The following ZFAT variants were observed in gnomAD, a reference collection of about 807,000 sequenced individuals.
ZFAT encodes the protein zinc finger protein ZFAT.
ZFAT carries 64 observed loss-of-function variants against 117.7 expected under a neutral mutation model. The observed-to-expected ratio is 0.54, with a 90% CI of 0.44 to 0.67. The LOEUF is 0.67. ZFAT is among the 30% of genes least tolerant of loss of function. The probability of loss-of-function intolerance (pLI) is 0.00; values close to 1 mark genes in which losing one functional copy is unlikely to be tolerated. For missense variants in ZFAT, 1,433 were observed against 1,584.5 expected, an observed-to-expected ratio of 0.90 and a Z score of 1.62; for synonymous variants, 679 against 615.0, an observed-to-expected ratio of 1.10 and a Z score of -1.54.
At chr8:134,637,788 G>T in intron 2 of ZFAT, 76 bp from the exon 3 acceptor site, 1 of 1,539,402 alleles carries the variant, frequency 6.5e-7, no homozygotes, top group Non-Finnish European at 8.8e-7. Context: ...CTCCAAGTGT[G>T]AGGATATGTT....
rs369988594 is a variant in ZFAT, at chr8:134,602,774, A to G, written c.945T>C (p.Asn315=). Residue 315 remains asparagine, a synonymous_variant, in exon 6 of 16, where the codon AAT becomes AAC. Coordinates refer to ENST00000377838, the MANE Select transcript of ZFAT (RefSeq NM_020863.4). ...SYASAIKANL[N]VHLRKHTGEK... is the part of the protein sequence containing the mutation. ...CTCCAGTGTGCTTGCGCAGGTGCAC[A>G]TTGAGGTTGGCCTTGATGGCACTGG... 9.2e-5 allele frequency: 149 copies of G among 1,614,186 alleles called. 1 individual carries two copies. The African/African-American group carries it at 1.8e-3, about 20-fold the overall frequency.
chr8:134,706,657 C>G, intron 1 of ZFAT, among the ~76,000 whole-genome samples: 1 of 151,968 alleles, frequency 6.6e-6, no homozygotes, highest in East Asian at 1.9e-4. Context: ...GTGCCATTGC[C>G]CTCCATCCTG....
intron 1 of ZFAT, among the ~76,000 whole-genome samples, chr8:134,690,696 C>CA (rs1354584761): frequency 6.6e-6 from 1 of 152,222 alleles, no homozygotes; most frequent in Non-Finnish European, 1.5e-5. Context: ...ACCATCCCCT[C>CA]AACCCATCCC....
At chr8:134,747,503 T>C in the ZFAT span, among the ~76,000 whole-genome samples, 1 of 152,240 alleles carries the variant, frequency 6.6e-6, no homozygotes, top group African/African-American at 2.4e-5. Flanking sequence ...TTAAAAAGCA[T>C]TTAACACTAT....
At chr8:134,671,969 CAGAG>C (rs1164243903) in intron 1 of ZFAT, among the ~76,000 whole-genome samples, 2 of 152,178 alleles carry the variant, frequency 1.3e-5, no homozygotes, top group African/African-American at 2.4e-5. Flanking sequence ...AACGGACAAA[CAGAG>C]AGCCAAATCA....
At chr8:134,789,023 TAATTC>T in the ZFAT span, among the ~76,000 whole-genome samples, 1 of 152,212 alleles carries the variant, frequency 6.6e-6, no homozygotes, top group Non-Finnish European at 1.5e-5. Flanking sequence ...TTTTTAAACT[TAATTC>T]AACTAATGAC....
In ZFAT at chr8:134,602,046, G is replaced by A. The variant is rs1441997825; in HGVS notation, c.1673C>T (p.Pro558Leu). 8 of 1,611,784 alleles carry A rather than the reference G, an allele frequency of 5.0e-6. No homozygotes were observed. The highest frequency in any genetic ancestry group is 6.8e-6 in the Non-Finnish European group (8 of 1,179,560). ...CTGCGGGGAGGCCAGGTGCACAGCT[G>A]GGGCAGGCATTTCCCCAGGGGCCTC... ...EPEAPGEMPA[P>L]AVHLASPQAE... The change falls in exon 6 of 16, where the codon CCA becomes CTA. Residue 558 changes from proline (P) to leucine (L), a missense_variant. This residue lies in a region of ZFAT where 372 missense variants were observed against 355.6 expected (regional missense o/e 1.05). Transcript: ENST00000377838.
intron 8 of ZFAT, among the ~76,000 whole-genome samples, chr8:134,589,493 C>T (rs1484692846): frequency 6.6e-6 from 1 of 152,272 alleles, no homozygotes; most frequent in African/African-American, 2.4e-5. Flanking sequence ...GTACCTGTTA[C>T]TCCCTCATAA....
At chr8:134,736,170 A>G in the ZFAT span, among the ~76,000 whole-genome samples, 1 of 152,198 alleles carries the variant, frequency 6.6e-6, no homozygotes, top group Admixed American at 6.5e-5. Context: ...GGCCCCAGTT[A>G]CTAAAATGGA....
chr8:134,521,387 G>A (rs1273551947), intron 12 of ZFAT, among the ~76,000 whole-genome samples: 1 of 152,048 alleles, frequency 6.6e-6, no homozygotes, highest in Non-Finnish European at 1.5e-5. Context: ...CAATGGAAAG[G>A]GAGTGTCTGC....
chr8:134,626,154 G>C (rs973455896), intron 3 of ZFAT, among the ~76,000 whole-genome samples: 2 of 152,216 alleles, frequency 1.3e-5, no homozygotes, highest in African/African-American at 4.8e-5. Context: ...GTGGGAGAGG[G>C]GGGCTGCAGT....
At chr8:134,625,567 C>T (rs960556648) in intron 3 of ZFAT, among the ~76,000 whole-genome samples, 1 of 152,236 alleles carries the variant, frequency 6.6e-6, no homozygotes, top group Non-Finnish European at 1.5e-5. Context: ...TCACTGTCCT[C>T]CTCCCCAGGC....
chr8:134,803,797 T>C, the ZFAT span, among the ~76,000 whole-genome samples: 1 of 152,006 alleles, frequency 6.6e-6, no homozygotes, highest in Non-Finnish European at 1.5e-5. Flanking sequence ...CAGGAAAAAA[T>C]AGAATTATCA....
At chr8:134,523,504 G>A (rs1305173793) in intron 12 of ZFAT, among the ~76,000 whole-genome samples, 2 of 152,166 alleles carry the variant, frequency 1.3e-5, no homozygotes, top group Non-Finnish European at 2.9e-5. Context: ...TGCTCTCTCA[G>A]CAGCTATTGT....
At chr8:134,721,039 G>A in the ZFAT span, among the ~76,000 whole-genome samples, 2 of 152,188 alleles carry the variant, frequency 1.3e-5, no homozygotes, top group African/African-American at 4.8e-5. Context: ...CTGGAAACAT[G>A]AGCTCATCCA....
At chr8:134,714,154 A>C (rs1475281072), upstream of ZFAT, among the ~76,000 whole-genome samples, 2 of 130,410 alleles carry the variant, frequency 1.5e-5, no homozygotes, top group Non-Finnish European at 3.2e-5. Flanking sequence ...ACTTCAGGAG[A>C]CTGAAGTTTG....
chr8:134,819,080 T>A, the ZFAT span, among the ~76,000 whole-genome samples: 1 of 152,244 alleles, frequency 6.6e-6, no homozygotes, highest in East Asian at 1.9e-4. Flanking sequence ...AATAAAATTG[T>A]TTCAATAAAA....
Position 134,610,657 on chromosome 8 carries a change from T to G in ZFAT, c.449-2A>C. The G allele has an allele frequency of 6.2e-7, 1 of 1,613,702 alleles. No individual in the cohort carries two copies. Among genetic ancestry groups the G allele is most frequent in the East Asian group, 2.2e-5 (1 of 44,864 alleles). ...CTAGTTCAAGGTCAGACTCGTTACC[T>G]AAGGAGCAAATACCAAGATGCATAA... is the stretch of plus-strand genomic sequence containing the variant. On this transcript the variant is annotated splice_acceptor_variant, in intron 3 of 15. Coordinates refer to ENST00000377838, the MANE Select transcript of ZFAT (RefSeq NM_020863.4). LOFTEE classifies it high-confidence loss of function.
chr8:134,808,825 TATA>T, the ZFAT span, among the ~76,000 whole-genome samples: 2 of 152,266 alleles, frequency 1.3e-5, no homozygotes, highest in African/African-American at 4.8e-5. Context: ...TCAGTTCTGC[TATA>T]ATAATGAATA....
Sources: gnomAD v4.1 joint callset for allele counts (sites outside exome capture counted in the v4.1 genomes callset) on GRCh38, gnomAD v4.1.1 for gene constraint, gnomAD v4.1.1 regional missense constraint, MANE v1.5 for transcripts, NCBI Gene and HGNC (gene_info 2026-07-23, HGNC 2026-07-21) for gene names.